CA7: variants seen among roughly 807,000 people sequenced by gnomAD.
CA7 encodes the protein carbonate dehydratase VII.
Under a neutral mutation model 31.4 loss-of-function variants are expected in CA7, and 13 were observed. The observed-to-expected ratio is 0.41, with a 90% CI of 0.27 to 0.66. The LOEUF is 0.66. Among genes scored for constraint, CA7 ranks in the 30% least tolerant of loss-of-function variants. CA7 has a pLI of 0.28. For synonymous variants in CA7, 128 were observed against 133.2 expected, an observed-to-expected ratio of 0.96 and a Z score of 0.27; for missense variants, 215 against 351.0, an observed-to-expected ratio of 0.61 and a Z score of 3.10.
intron 2 of CA7, among the ~76,000 whole-genome samples, chr16:66,848,540 G>A (rs1960973881): frequency 6.6e-6 from 1 of 152,182 alleles, no homozygotes; most frequent in East Asian, 1.9e-4. Flanking sequence ...CCTGGCTGGG[G>A]CTCCCTCCCC....
chr16:66,853,289 G>A lies in CA7; in HGVS notation c.673-87G>A. 1 of 1,536,160 alleles carries A rather than the reference G, an allele frequency of 6.5e-7. No individual in the cohort carries two copies. The highest frequency in any genetic ancestry group is 9.0e-7 in the Non-Finnish European group (1 of 1,117,166). The stretch of plus-strand genomic sequence containing the variant: ...GGAGGAGGGAGGGGTAGAGCTGGCT[G>A]GGCAGGTATGCCAGATGATGCATCT... On this transcript the variant is annotated intron_variant, in intron 6 of 6. Coordinates refer to ENST00000338437, the MANE Select transcript of CA7 (RefSeq NM_005182.3). This position sits in a 1 kb window ranked among gnomAD's most constrained non-coding sequence, Gnocchi z 4.5.
At chr16:66,844,602 A>G (rs1020940991) in intron 1 of CA7, 75 bp downstream of exon 1, 3 of 1,315,818 alleles carry the variant, frequency 2.3e-6, no homozygotes, top group Non-Finnish European at 3.1e-6. Flanking sequence ...CCTCTTGCCC[A>G]GCTGGTTTCC....
In CA7 at chr16:66,851,549, T is replaced by G; in HGVS notation, c.444T>G (p.Val148=). Residue 148 remains valine (V), a synonymous_variant, in exon 4 of 7, where the codon GTT becomes GTG. Coordinates refer to ENST00000338437, the MANE Select transcript of CA7 (RefSeq NM_005182.3). Reference sequence around the variant, plus strand: ...CTGATGGCCTGGCTGTGGTTGGTGTTTTTTTGGAGGTGAGTGGTGGTTTGC... The same window carrying G: ...CTGATGGCCTGGCTGTGGTTGGTGTGTTTTTGGAGGTGAGTGGTGGTTTGC... ...SAPDGLAVVG[V]FLETGDEHPS... 1 of 1,614,046 alleles carries G rather than the reference T, an allele frequency of 6.2e-7. No individual in the cohort carries two copies. Among genetic ancestry groups the G allele is most frequent in the African/African-American group, 1.3e-5 (1 of 75,026 alleles).
rs772935023 is a variant in CA7 at position 66,853,415 on chromosome 16, G to A, written c.712G>A (p.Asp238Asn). ...FRSLLFTSED[D>N]ERIHMVNNFR... ...GAGCCTGCTTTTTACCTCGGAGGAC[G>A]ATGAGAGGATCCACATGGTGAACAA... is the stretch of plus-strand genomic sequence containing the variant. Residue 238 changes from aspartate to asparagine, a missense_variant, in exon 7 of 7, where the codon GAT becomes AAT. Transcript: ENST00000338437. The surrounding 1 kb of genome is among the most constrained non-coding windows in gnomAD (Gnocchi z 4.5). 7 of 1,614,170 alleles carry A rather than the reference G, an allele frequency of 4.3e-6. No homozygotes were observed. The highest frequency in any genetic ancestry group is 2.2e-5 in the South Asian group (2 of 91,082).
intron 4 of CA7, 39 bp downstream of exon 4, chr16:66,851,597 G>A: frequency 6.2e-7 from 1 of 1,610,682 alleles, no homozygotes; most frequent in Non-Finnish European, 8.5e-7. Flanking sequence ...GGGCATGGGA[G>A]GCCTGGCACT....
chr16:66,850,452 T>A, intron 2 of CA7, 89 bp from the exon 3 acceptor site: 1 of 775,476 alleles, frequency 1.3e-6, no homozygotes, highest in South Asian at 1.4e-5. Flanking sequence ...AAAAAAAAAA[T>A]GTCCCTTTCC....
Position 66,851,704 on chromosome 16 carries a change from C to A in CA7, c.494C>A (p.Ala165Glu). 2 of 1,613,982 alleles carry A rather than the reference C, an allele frequency of 1.2e-6. No homozygotes were observed. Among genetic ancestry groups the A allele is most frequent in the Non-Finnish European group, 1.7e-6 (2 of 1,179,918 alleles). The change falls in exon 5 of 7, where the codon GCG becomes GAG. Residue 165 changes from alanine to glutamate, a missense_variant. Ala to Glu is a moderately radical substitution (Grantham distance 107). Coordinates refer to ENST00000338437, the MANE Select transcript of CA7 (RefSeq NM_005182.3). The stretch of plus-strand genomic sequence containing the variant: ...CCCAGCATGAATCGTCTGACAGATG[C>A]GCTCTACATGGTCCGGTTCAAGGTA... The part of the protein sequence containing the change: ...EHPSMNRLTD[A>E]LYMVRFKGTK...
At chr16:66,848,610 G>A (rs1177871395) in intron 2 of CA7, among the ~76,000 whole-genome samples, 1 of 152,110 alleles carries the variant, frequency 6.6e-6, no homozygotes, top group Non-Finnish European at 1.5e-5. Context: ...ATGAGATGGT[G>A]GGGCTCTGCC....
rs1264026344 is a variant in CA7 at position 66,850,659 on chromosome 16, G to C, written c.357G>C (p.Glu119Asp). 6.3e-7 allele frequency: 1 copy of C among 1,596,824 alleles called. No individual in the cohort carries two copies. The highest frequency in any genetic ancestry group is 1.1e-5 in the South Asian group (1 of 90,752). Reference protein sequence around the residue: ...HTVDGKSFPSELHLVHWNAKK... With the variant: ...HTVDGKSFPSDLHLVHWNAKK... ...TGGACGGCAAGTCCTTCCCCAGCGAGGTACGGGCCCTCCTCCACTTGAATC... is the reference window on the plus strand; with the variant it reads ...TGGACGGCAAGTCCTTCCCCAGCGACGTACGGGCCCTCCTCCACTTGAATC... The change falls in exon 3 of 7, where the codon GAG becomes GAC. Residue 119 changes from glutamate to aspartate, a missense_variant and splice_region_variant. Physicochemically the swap from Glu to Asp is conservative, Grantham distance 45. Coordinates refer to ENST00000338437, the MANE Select transcript of CA7 (RefSeq NM_005182.3).
Position 66,844,432 on chromosome 16 carries a change from C to G in CA7, c.-56C>G. 1.1e-5 allele frequency: 16 copies of G among 1,469,384 alleles called. No homozygotes were observed. The highest frequency in any genetic ancestry group is 1.4e-5 in the Non-Finnish European group (15 of 1,092,414). 91.0% of individuals were successfully genotyped at this position (1,469,384 alleles called of 1,614,324 possible). ...AGCGAGCGGGGCCGGAGCCGCAGCC[C>G]GAACGAGCGGACCGAGCCGACCGGG... On this transcript the variant is annotated 5_prime_UTR_variant, in exon 1 of 7. Transcript: ENST00000338437.
chr16:66,847,060 T>A lies in CA7; in HGVS notation c.71T>A (p.Ile24Asn). ...TCGCATTGGCACAAGCTGTATCCCA[T>A]TGCCCAGGGAGATCGCCAATCACCC... ...GPSHWHKLYPIAQGDRQSPIN... is the reference protein window; with the variant it reads ...GPSHWHKLYPNAQGDRQSPIN... Residue 24 changes from isoleucine to asparagine, a missense_variant, in exon 2 of 7, where the codon ATT (isoleucine) becomes AAT (asparagine). Coordinates refer to ENST00000338437, the MANE Select transcript of CA7 (RefSeq NM_005182.3). The A allele has an allele frequency of 6.2e-7, 1 of 1,614,184 alleles. No homozygotes were observed. Among genetic ancestry groups the A allele is most frequent in the East Asian group, 2.2e-5 (1 of 44,882 alleles).
chr16:66,851,809 C>G (rs1335114478), intron 5 of CA7, 83 bp downstream of exon 5: 14 of 1,234,988 alleles, frequency 1.1e-5, no homozygotes, highest in Non-Finnish European at 1.6e-5. Flanking sequence ...TCCAGTCCTT[C>G]ATTCTGGGAG....
Position 66,853,408 on chromosome 16 carries a change from G to A in CA7, c.705G>A (p.Ser235=), listed in dbSNP as rs749472816. The change falls in exon 7 of 7, where the codon TCG becomes TCA. Residue 235 remains serine, a synonymous_variant. Coordinates refer to ENST00000338437, the MANE Select transcript of CA7 (RefSeq NM_005182.3). The surrounding 1 kb of genome is among the most constrained non-coding windows in gnomAD (Gnocchi z 4.5). The part of the protein sequence containing the change: ...MGKFRSLLFT[S]EDDERIHMVN... ...AGTTCCGGAGCCTGCTTTTTACCTC[G>A]GAGGACGATGAGAGGATCCACATGG... The A allele has an allele frequency of 1.7e-5, 28 of 1,613,988 alleles. No homozygotes were observed. The highest frequency in any genetic ancestry group is 1.6e-4 in the South Asian group (15 of 91,084).
chr16:66,846,022 C>G (rs958496384), intron 1 of CA7, among the ~76,000 whole-genome samples: 3 of 152,144 alleles, frequency 2.0e-5, no homozygotes, highest in African/African-American at 7.2e-5. Flanking sequence ...CTCAGGAAAA[C>G]TTAAGAAGCC....
At chr16:66,852,466 AAAAAAGAAAAAG>A (rs1005142314) in intron 5 of CA7, among the ~76,000 whole-genome samples, 1 of 151,678 alleles carries the variant, frequency 6.6e-6, no homozygotes, top group African/African-American at 2.4e-5. Flanking sequence ...CCACCTCAAA[AAAAAAGAAAAAG>A]AAAAAGAAAG....
At chr16:66,845,333 C>T (rs1389300314) in intron 1 of CA7, 5 of 654,512 alleles carry the variant, frequency 7.6e-6, no homozygotes, top group Non-Finnish European at 9.5e-6. Flanking sequence ...AAGGGGTTCC[C>T]TATTTCCCTG....
chr16:66,850,663 C>G lies in CA7; in HGVS notation c.357+4C>G. The G allele has an allele frequency of 6.3e-7, 1 of 1,583,562 alleles. No homozygotes were observed. The highest frequency in any genetic ancestry group is 8.7e-7 in the Non-Finnish European group (1 of 1,152,180). Reference sequence around the variant, plus strand: ...CGGCAAGTCCTTCCCCAGCGAGGTACGGGCCCTCCTCCACTTGAATCCCTC... The same window carrying G: ...CGGCAAGTCCTTCCCCAGCGAGGTAGGGGCCCTCCTCCACTTGAATCCCTC... On this transcript the variant is annotated splice_donor_region_variant and intron_variant, in intron 3 of 6. Transcript: ENST00000338437.
At position 66,853,446 on chromosome 16, in the gene CA7, G is replaced by A; in HGVS notation, c.743G>A (p.Arg248Gln). 3 of 1,614,154 alleles carry A rather than the reference G, an allele frequency of 1.9e-6. No individual in the cohort carries two copies. The highest frequency in any genetic ancestry group is 2.5e-6 in the Non-Finnish European group (3 of 1,180,032). ...AGGATCCACATGGTGAACAACTTCC[G>A]GCCACCACAGCCACTGAAGGGCCGC... is the stretch of plus-strand genomic sequence containing the variant. ...DERIHMVNNFRPPQPLKGRVV... is the reference protein window; with the variant it reads ...DERIHMVNNFQPPQPLKGRVV... Residue 248 changes from arginine to glutamine, a missense_variant, in exon 7 of 7, where the codon CGG becomes CAG. Transcript: ENST00000338437. The surrounding 1 kb of genome is among the most constrained non-coding windows in gnomAD (Gnocchi z 4.5).
intron 1 of CA7, chr16:66,844,843 C>T (rs1960889980): frequency 1.0e-6 from 1 of 979,644 alleles, no homozygotes; most frequent in Non-Finnish European, 1.3e-6. Context: ...TCACTCGCCC[C>T]GGGCGTGCGC....
Sources: gnomAD v4.1 joint callset for allele counts (sites outside exome capture counted in the v4.1 genomes callset) on GRCh38, gnomAD v4.1.1 for gene constraint, Gnocchi (gnomAD v3.1) non-coding constraint, MANE v1.5 for transcripts, NCBI Gene and HGNC (gene_info 2026-07-23, HGNC 2026-07-21) for gene names.